Variants in CSMD1 observed in about 807,000 individuals in gnomAD.
CSMD1 encodes the protein CUB and Sushi multiple domains 1, also known as CUB and sushi domain-containing protein 1.
In CSMD1, 213 loss-of-function variants were observed where a neutral mutation model predicts 417.5. That is an observed-to-expected ratio of 0.51 (90% CI 0.46 to 0.57). The LOEUF (loss-of-function observed/expected upper bound fraction) is 0.57. Ranked by LOEUF, CSMD1 falls within the 20% of genes least tolerant of loss-of-function variation. CSMD1 has a pLI of 0.00. For synonymous variants in CSMD1, 2,862 were observed against 1,736.8 expected (o/e 1.65, Z -16.11); for missense variants, 6,923 against 4,529.7 (o/e 1.53, Z -15.17).
chr8:4,981,056 G>A (rs528410525), intron 1 of CSMD1, among the ~76,000 whole-genome samples: 2 of 152,288 alleles, frequency 1.3e-5, no homozygotes, highest in African/African-American at 4.8e-5. Context: ...CAAGATTCAA[G>A]CGTGAACACC....
intron 5 of CSMD1, among the ~76,000 whole-genome samples, chr8:3,795,023 A>ATATAGCTATAGATACATATCTTTCATG (rs1799966138): frequency 1.0e-5 from 1 of 96,702 alleles, no homozygotes; most frequent in African/African-American, 3.9e-5. Context: ...TATCTATCAT[A>ATATAGCTATAGATACATATCTTTCATG]TATAGCTATA....
chr8:4,412,795 A>G (rs536939842), intron 3 of CSMD1, among the ~76,000 whole-genome samples: 6 of 149,802 alleles, frequency 4.0e-5, no homozygotes, highest in Admixed American at 6.6e-5. Context: ...CAGTTTTATT[A>G]TTTTTATTTA....
In CSMD1 at chr8:3,031,395, C is replaced by A. The variant is rs1810331703; in HGVS notation, c.7661-1882G>T. ...TGAGTTAATGGGTGCAGCACACCAG[C>A]ATGGCACATGTATACATGTGTAACA... is the stretch of plus-strand genomic sequence containing the variant. On this transcript the variant is annotated intron_variant, in intron 50 of 69. Coordinates refer to ENST00000635120, the MANE Select transcript of CSMD1 (RefSeq NM_033225.6). Among the ~76,000 whole-genome samples the A allele has an allele frequency of 2.6e-5, 4 of 151,826 alleles. No homozygotes were observed. The South Asian group carries it at 8.3e-4, about 32-fold the overall frequency.
chr8:4,688,295 A>G (rs1244385626), intron 1 of CSMD1, among the ~76,000 whole-genome samples: 2 of 152,300 alleles, frequency 1.3e-5, no homozygotes, highest in Non-Finnish European at 1.5e-5. Flanking sequence ...CTATGTCAAA[A>G]AACTGAAAAA....
At chr8:3,879,707 C>T (rs1328126557) in intron 5 of CSMD1, among the ~76,000 whole-genome samples, 1 of 149,826 alleles carries the variant, frequency 6.7e-6, no homozygotes, top group Admixed American at 6.6e-5. Flanking sequence ...AAATGAAAGG[C>T]TAACTCCTAA....
chr8:4,626,822 T>C (rs1005572603), intron 2 of CSMD1, among the ~76,000 whole-genome samples: 1 of 152,156 alleles, frequency 6.6e-6, no homozygotes, highest in African/African-American at 2.4e-5. Context: ...TTCTAGTTAA[T>C]ACTCCAGGTT....
chr8:4,994,322 T>A lies in CSMD1; in HGVS notation c.85+10A>T. The A allele has an allele frequency of 6.2e-7, 1 of 1,608,414 alleles. No homozygotes were observed. Among genetic ancestry groups the A allele is most frequent in the South Asian group, 1.1e-5 (1 of 91,046 alleles). ...TACCGCCTCCCCGGCCAGGAGCAAG[T>A]CCGTCTTACCCTTCGCTGCAGTGAG... On this transcript the variant is annotated intron_variant, in intron 1 of 69. Coordinates refer to ENST00000635120, the MANE Select transcript of CSMD1 (RefSeq NM_033225.6).
chr8:4,456,349 T>C (rs1403595457), intron 2 of CSMD1, among the ~76,000 whole-genome samples: 1 of 152,170 alleles, frequency 6.6e-6, no homozygotes, highest in Admixed American at 6.5e-5. Context: ...CAGGAACATG[T>C]TGGTAAAAAT....
At chr8:4,356,796 C>G (rs1017208845) in intron 3 of CSMD1, among the ~76,000 whole-genome samples, 1 of 152,110 alleles carries the variant, frequency 6.6e-6, no homozygotes, top group Non-Finnish European at 1.5e-5. Flanking sequence ...TCTTGCAGGC[C>G]CAGCCCCTGA....
rs1174224322 is a variant in CSMD1 at position 3,117,765 on chromosome 8, G to C, written c.6430+634C>G. 2.6e-5 allele frequency among the ~76,000 whole-genome samples: 4 copies of C among 152,192 alleles called. No individual in the cohort carries two copies. The South Asian group carries it at 8.3e-4, about 31-fold the overall frequency. ...GGTCCTCTGTTGCACCATCAAACGA[G>C]AACTTGCCTCCAGCCTCTCCGTAGA... On this transcript the variant is annotated intron_variant, in intron 42 of 69. Coordinates refer to ENST00000635120, the MANE Select transcript of CSMD1 (RefSeq NM_033225.6).
intron 54 of CSMD1, among the ~76,000 whole-genome samples, chr8:2,991,242 C>G (rs660783): frequency 0.19 from 29,126 of 152,112 alleles, 5,811 homozygotes; most frequent in African/African-American, 0.51. Context: ...TGCTAAAATA[C>G]TTCTTAATAC....
chr8:3,803,371 C>T (rs1162047681), intron 5 of CSMD1, among the ~76,000 whole-genome samples: 1 of 152,134 alleles, frequency 6.6e-6, no homozygotes, highest in Non-Finnish European at 1.5e-5. Context: ...GAATGGTAAG[C>T]TGATCACTGA....
At chr8:4,460,611 G>GA (rs1554486666) in intron 2 of CSMD1, among the ~76,000 whole-genome samples, 17 of 151,670 alleles carry the variant, frequency 1.1e-4, no homozygotes, top group East Asian at 9.7e-4. Context: ...TAAAATGGGG[G>GA]AAAAAAAGGT....
intron 3 of CSMD1, among the ~76,000 whole-genome samples, chr8:4,101,556 GGAAGTTTCTTAATTTTACA>G (rs1338994887): frequency 6.6e-6 from 1 of 152,162 alleles, no homozygotes; most frequent in Non-Finnish European, 1.5e-5. Flanking sequence ...TGGATGTGTA[GGAAGTTTCTTAATTTTACA>G]GAAGTACATT....
At chr8:3,993,777 G>C (rs1456548731) in intron 5 of CSMD1, among the ~76,000 whole-genome samples, 3 of 152,198 alleles carry the variant, frequency 2.0e-5, no homozygotes, top group Non-Finnish European at 2.9e-5. Flanking sequence ...ATGTTTTCCA[G>C]GGAGGGAGAT....
chr8:3,558,022 ATGGTGCCTCAGAAGTAACC>A (rs1563151468), intron 10 of CSMD1, among the ~76,000 whole-genome samples: 25 of 151,956 alleles, frequency 1.6e-4, no homozygotes, highest in African/African-American at 5.3e-4. Context: ...CCAATGATGA[ATGGTGCCTCAGAAGTAACC>A]CGTGTCCACT....
rs565244908 is a variant in CSMD1 at position 4,369,995 on chromosome 8, T to TAA, written c.415+49956_415+49957dup. ...GAGAATTGTATCTATCATCTTGCTGTAAGCTGGTTCTTATGTAGACTTAGT... is the reference window on the plus strand; with the variant it reads ...GAGAATTGTATCTATCATCTTGCTGTAAAAGCTGGTTCTTATGTAGACTTAGT... On this transcript the variant is annotated intron_variant, in intron 3 of 69. Transcript: ENST00000635120. Among the ~76,000 whole-genome samples the TAA allele has an allele frequency of 7.4e-4, 113 of 152,326 alleles. 3 individuals carry two copies. In the South Asian group the frequency reaches 0.023, roughly 31 times the overall value.
intron 1 of CSMD1, among the ~76,000 whole-genome samples, chr8:4,968,858 T>C (rs1810054222): frequency 6.6e-6 from 1 of 152,176 alleles, no homozygotes; most frequent in Admixed American, 6.6e-5. Context: ...TGCACACCGC[T>C]TAGTGCTACA....
In CSMD1 at chr8:4,873,058, T is replaced by G. The variant is rs182032873; in HGVS notation, c.85+121274A>C. 1.3e-3 allele frequency among the ~76,000 whole-genome samples: 204 copies of G among 152,240 alleles called. 1 individual carries two copies. Among genetic ancestry groups the G allele is most frequent in the Admixed American group, 7.4e-3 (113 of 15,296 alleles). Reference sequence around the variant, plus strand: ...CCACAAATCGTATATATTTAAGGTGTACAATATGATGTTTTCGTATATGTA... The same window carrying G: ...CCACAAATCGTATATATTTAAGGTGGACAATATGATGTTTTCGTATATGTA... On this transcript the variant is annotated intron_variant, in intron 1 of 69. Transcript: ENST00000635120.
Sources: gnomAD v4.1 joint callset for allele counts (sites outside exome capture counted in the v4.1 genomes callset) on GRCh38, gnomAD v4.1.1 for gene constraint, MANE v1.5 for transcripts, NCBI Gene and HGNC (gene_info 2026-07-23, HGNC 2026-07-21) for gene names.